Variants in VPS13D observed in about 807,000 individuals in gnomAD.
The protein encoded by VPS13D is vacuolar protein sorting 13 homolog D.
VPS13D carries 187 observed loss-of-function variants against 461.9 expected under a neutral mutation model. The observed-to-expected ratio is 0.40, with a 90% CI of 0.36 to 0.46. The LOEUF is 0.46. Among genes scored for constraint, VPS13D ranks in the 20% least tolerant of loss-of-function variants. The probability of loss-of-function intolerance (pLI) is 0.60; values close to 1 mark genes in which losing one functional copy is unlikely to be tolerated. For synonymous variants in VPS13D, 1,951 were observed against 1,986.3 expected (o/e 0.98, Z 0.47); for missense variants, 4,711 against 5,364.9 (o/e 0.88, Z 3.81).
chr1:12,238,823 C>T (rs1056139257), intron 2 of VPS13D, among the ~76,000 whole-genome samples: 1 of 151,828 alleles, frequency 6.6e-6, no homozygotes, highest in African/African-American at 2.4e-5. Context: ...TTTGTAGATA[C>T]AGGGTTTCAC....
In VPS13D at chr1:12,260,748, G is replaced by C; in HGVS notation, c.1166G>C (p.Arg389Pro). ...EQSFEELKIL[R>P]ELVHDRFHKQ... ...AGCTTTGAGGAATTGAAGATTTTGC[G>C]TGAACTGGTTCATGATCGATTTCAC... The change falls in exon 11 of 70, where the codon CGT becomes CCT. Residue 389 changes from arginine (R) to proline (P), a missense_variant. Arg to Pro is a moderately radical substitution (Grantham distance 103). Coordinates refer to ENST00000620676, the MANE Select transcript of VPS13D (RefSeq NM_015378.4). The C allele has an allele frequency of 4.3e-6, 7 of 1,614,188 alleles. No homozygotes were observed. Among genetic ancestry groups the C allele is most frequent in the Non-Finnish European group, 5.9e-6 (7 of 1,180,022 alleles).
intron 8 of VPS13D, 144 bp downstream of exon 8, chr1:12,256,647 C>A: frequency 1.1e-6 from 1 of 897,408 alleles, no homozygotes. Context: ...AGGTATAAAA[C>A]TCACCGTCTG....
chr1:12,454,354 C>T (rs1461100146), intron 65 of VPS13D, among the ~76,000 whole-genome samples: 14 of 152,204 alleles, frequency 9.2e-5, no homozygotes, highest in Non-Finnish European at 5.9e-5. Flanking sequence ...TTTGCAGCGT[C>T]GTGTGGTGTT....
At chr1:12,419,162 G>T (rs936654533) in intron 65 of VPS13D, among the ~76,000 whole-genome samples, 3 of 152,204 alleles carry the variant, frequency 2.0e-5, no homozygotes, top group Admixed American at 1.3e-4. Context: ...AGGCCTGGGG[G>T]CAGTGATAAT....
chr1:12,369,846 C>T, intron 54 of VPS13D, 144 bp downstream of exon 54: 1 of 740,752 alleles, frequency 1.3e-6, no homozygotes, highest in Middle Eastern at 3.9e-4. Context: ...CAGTGTCTAT[C>T]TTAAGAGGTC....
At chr1:12,353,834 A>T (rs1186172550) in intron 46 of VPS13D, 140 bp from the exon 47 acceptor site, 6 of 858,488 alleles carry the variant, frequency 7.0e-6, no homozygotes, top group Non-Finnish European at 1.1e-5. Flanking sequence ...ATATCTTAAT[A>T]AATGTATTTG....
In VPS13D at chr1:12,339,903, C is replaced by T. The variant is rs142217222; in HGVS notation, c.8626+1598C>T. ...ATTCTGTATAACAAACTGATCAAAG[C>T]CATCTGCCACCTGTTCTTTTTAAAT... On this transcript the variant is annotated intron_variant, in intron 40 of 69. Transcript: ENST00000620676. Among the ~76,000 whole-genome samples, 35 of 152,302 alleles carry T rather than the reference C, an allele frequency of 2.3e-4. No homozygotes were observed. The East Asian group carries it at 6.7e-3, about 29-fold the overall frequency.
chr1:12,232,359 AGTTGGGATAG>A (rs1318339236), intron 1 of VPS13D, among the ~76,000 whole-genome samples: 3 of 152,298 alleles, frequency 2.0e-5, no homozygotes, highest in African/African-American at 7.2e-5. Flanking sequence ...GCAGCCTCTC[AGTTGGGATAG>A]GTGTATCTTC....
chr1:12,375,828 A>G (rs1644190393), intron 55 of VPS13D, among the ~76,000 whole-genome samples: 2 of 152,124 alleles, frequency 1.3e-5, no homozygotes, highest in African/African-American at 2.4e-5. Flanking sequence ...CGCTTTAACA[A>G]TTCCACACTG....
intron 68 of VPS13D, among the ~76,000 whole-genome samples, chr1:12,506,363 TG>T (rs895266776): frequency 3.3e-5 from 5 of 152,144 alleles, no homozygotes; most frequent in Non-Finnish European, 7.4e-5. Context: ...ATGAAGTGGA[TG>T]GGGGGGTGCC....
At chr1:12,459,698 C>G (rs1645381960) in intron 66 of VPS13D, among the ~76,000 whole-genome samples, 1 of 151,950 alleles carries the variant, frequency 6.6e-6, no homozygotes, top group African/African-American at 2.4e-5. Flanking sequence ...AGGATGGTCT[C>G]GATCTCTTGA....
intron 20 of VPS13D, among the ~76,000 whole-genome samples, chr1:12,280,744 C>T (rs1205366946): frequency 1.3e-5 from 2 of 151,992 alleles, no homozygotes; most frequent in East Asian, 3.9e-4. Context: ...CTGCCTTGGC[C>T]CCCGAAAGTG....
At chr1:12,308,390 C>T (rs755626889) in intron 26 of VPS13D, 41 bp from the exon 27 acceptor site, 15 of 1,600,712 alleles carry the variant, frequency 9.4e-6, no homozygotes, top group Admixed American at 1.7e-5. Flanking sequence ...CTTTTTGGGT[C>T]CCCTTTTCTT....
At position 12,378,492 on chromosome 1, in the gene VPS13D, C is replaced by G. The variant is rs752225333; in HGVS notation, c.10982C>G (p.Ser3661Cys). ...ACAGGAATGCTGGCCCATGAGGGCT[C>G]CTCAGTTCCTCACAATCCCAATAAG... is the stretch of plus-strand genomic sequence containing the variant. ...TGTGMLAHEG[S>C]SVPHNPNKPS... Residue 3661 changes from serine to cysteine, a missense_variant, in exon 56 of 70, where the codon TCC becomes TGC. By Grantham distance (112) the Ser-to-Cys change is moderately radical. Coordinates refer to ENST00000620676, the MANE Select transcript of VPS13D (RefSeq NM_015378.4). 6.2e-7 allele frequency: 1 copy of G among 1,612,820 alleles called. No homozygotes were observed. The highest frequency in any genetic ancestry group is 1.1e-5 in the South Asian group (1 of 90,892).
At chr1:12,335,019 C>T (rs1337706478) in intron 38 of VPS13D, among the ~76,000 whole-genome samples, 1 of 152,132 alleles carries the variant, frequency 6.6e-6, no homozygotes, top group African/African-American at 2.4e-5. Flanking sequence ...AGGTGTGGTG[C>T]ACTGTAATTG....
intron 20 of VPS13D, among the ~76,000 whole-genome samples, chr1:12,281,120 C>T (rs1350770656): frequency 2.0e-5 from 3 of 149,968 alleles, no homozygotes; most frequent in Non-Finnish European, 4.4e-5. Flanking sequence ...ATGCCATTAT[C>T]ACCCCTATGT....
intron 63 of VPS13D, 28 bp downstream of exon 63, chr1:12,404,001 T>A (rs778502283): frequency 2.6e-6 from 4 of 1,568,010 alleles, no homozygotes; most frequent in Non-Finnish European, 3.4e-6. Flanking sequence ...TAAATTTTTT[T>A]AGATGATTTT....
At chr1:12,393,493 A>G (rs1644455183) in intron 60 of VPS13D, among the ~76,000 whole-genome samples, 1 of 152,230 alleles carries the variant, frequency 6.6e-6, no homozygotes, top group Non-Finnish European at 1.5e-5. Flanking sequence ...ATGAAACCCC[A>G]CATCTGGTAC....
In VPS13D at chr1:12,349,298, G is replaced by A. The variant is rs1408927873; in HGVS notation, c.9355G>A (p.Val3119Ile). The change falls in exon 46 of 70, where the codon GTA becomes ATA. Residue 3119 changes from valine (V) to isoleucine (I), a missense_variant. By Grantham distance (29) the Val-to-Ile change is conservative. Transcript: ENST00000620676. ...FCKAPIHWTN[V>I]VKTAEISSSK... ...TAAGGCTCCCATTCATTGGACCAAT[G>A]TAGTGAAGACTGCAGAAATTAGTAG... 1.9e-6 allele frequency: 3 copies of A among 1,614,198 alleles called. No homozygotes were observed. The South Asian group carries it at 3.3e-5, about 18-fold the overall frequency.
Sources: allele counts gnomAD v4.1 joint callset (sites outside exome capture counted in the v4.1 genomes callset), GRCh38; gene constraint gnomAD v4.1.1; transcripts MANE v1.5; gene names NCBI Gene and HGNC (gene_info 2026-07-23, HGNC 2026-07-21).